CAMKMT: variants seen among roughly 807,000 people sequenced by gnomAD.
The protein encoded by CAMKMT is calmodulin-lysine N-methyltransferase, also known as CaM KMT.
A neutral mutation model predicts 48.0 loss-of-function variants in CAMKMT; 53 were observed. That is an observed-to-expected ratio of 1.10 (90% CI 0.89 to 1.39). The LOEUF (loss-of-function observed/expected upper bound fraction) is 1.39. Ranked by LOEUF, CAMKMT falls within the 40% of genes most tolerant of loss-of-function variation. The probability of loss-of-function intolerance (pLI) is 0.00; values close to 1 mark genes in which losing one functional copy is unlikely to be tolerated. For missense variants in CAMKMT, 428 were observed against 402.7 expected (o/e 1.06, Z -0.54); for synonymous variants, 165 against 152.3 (o/e 1.08, Z -0.61).
chr2:44,474,587 TTC>T (rs1265120241), intron 3 of CAMKMT, among the ~76,000 whole-genome samples: 1 of 152,106 alleles, frequency 6.6e-6, no homozygotes, highest in Non-Finnish European at 1.5e-5. Context: ...ATGAAAATCA[TTC>T]TGTTACTATT....
chr2:44,526,630 A>G (rs1671417522), intron 3 of CAMKMT, among the ~76,000 whole-genome samples: 1 of 152,120 alleles, frequency 6.6e-6, no homozygotes, highest in South Asian at 2.1e-4. Context: ...GTAGAGAGAG[A>G]GCAAATTCAC....
At chr2:44,691,343 G>A (rs531349933) in intron 3 of CAMKMT, among the ~76,000 whole-genome samples, 3 of 152,312 alleles carry the variant, frequency 2.0e-5, no homozygotes, top group Admixed American at 2.0e-4. Context: ...CCAGGGCCTC[G>A]GGGAACGTTG....
intron 3 of CAMKMT, among the ~76,000 whole-genome samples, chr2:44,454,087 C>T (rs1183040656): frequency 1.3e-5 from 2 of 152,010 alleles, no homozygotes; most frequent in African/African-American, 4.8e-5. Flanking sequence ...ATTTTGACAA[C>T]TCTTAAAAAA....
At chr2:44,611,074 G>A (rs1451168084) in intron 3 of CAMKMT, among the ~76,000 whole-genome samples, 1 of 152,114 alleles carries the variant, frequency 6.6e-6, no homozygotes, top group East Asian at 1.9e-4. Flanking sequence ...CTGAGATTGG[G>A]TTTTCTTATT....
rs1048571888 is a variant in CAMKMT at position 44,362,120 on chromosome 2, C to G, written c.113C>G (p.Ala38Gly). Reference protein sequence around the residue: ...RGPVVSAPLGAARWKLLRQVL... With the variant: ...RGPVVSAPLGGARWKLLRQVL... ...CCCGTAGTCTCGGCGCCCCTGGGAG[C>G]CGCCCGGTGGAAGCTCCTGCGGCAG... The change falls in exon 1 of 11, where the codon GCC becomes GGC. Residue 38 changes from alanine (A) to glycine (G), a missense_variant. By Grantham distance (60) the Ala-to-Gly change is moderately conservative. Transcript: ENST00000378494. 1 of 1,474,420 alleles carries G rather than the reference C, an allele frequency of 6.8e-7. No homozygotes were observed. Among genetic ancestry groups the G allele is most frequent in the Admixed American group, 2.9e-5 (1 of 34,476 alleles). The allele number at this position is 1,474,420 out of a possible 1,614,324, so 91.3% of individuals were successfully genotyped here. A position where few individuals can be genotyped will look rare whatever the true frequency, so the allele number is the denominator to read the frequency against.
intron 3 of CAMKMT, chr2:44,456,619 T>C: frequency 6.5e-7 from 1 of 1,547,750 alleles, no homozygotes; most frequent in Non-Finnish European, 8.7e-7. Context: ...TAACTCTTCC[T>C]TTTTTGTTTA....
At chr2:44,693,706 T>C (rs115009309) in intron 3 of CAMKMT, among the ~76,000 whole-genome samples, 4,118 of 152,236 alleles carry the variant, frequency 0.027, 86 homozygotes, top group African/African-American at 0.058. Flanking sequence ...GAAATGTGAG[T>C]TGGATTAAAA....
At chr2:44,670,654 C>T (rs560384065) in intron 3 of CAMKMT, among the ~76,000 whole-genome samples, 1 of 152,192 alleles carries the variant, frequency 6.6e-6, no homozygotes, top group South Asian at 2.1e-4. Context: ...CAGTGAGACC[C>T]TGTCTCTAAA....
intron 3 of CAMKMT, among the ~76,000 whole-genome samples, chr2:44,476,610 T>G (rs376472930): frequency 1.2e-4 from 18 of 151,686 alleles, no homozygotes; most frequent in East Asian, 5.8e-4. Context: ...TTTATATGTT[T>G]GTGAGATTTT....
At chr2:44,527,338 A>T (rs925101680) in intron 3 of CAMKMT, among the ~76,000 whole-genome samples, 2 of 144,500 alleles carry the variant, frequency 1.4e-5, no homozygotes, top group African/African-American at 5.1e-5. Context: ...CATATATAAT[A>T]CATATATACA....
At chr2:44,389,469 T>C (rs1183849086) in intron 2 of CAMKMT, among the ~76,000 whole-genome samples, 1 of 152,152 alleles carries the variant, frequency 6.6e-6, no homozygotes, top group Non-Finnish European at 1.5e-5. Context: ...TTATCAATGG[T>C]TATTACAAAC....
In CAMKMT at chr2:44,765,595, C is replaced by A. The variant is rs142609723; in HGVS notation, c.763-835C>A. Among the ~76,000 whole-genome samples the A allele has an allele frequency of 2.6e-5, 4 of 151,724 alleles. No homozygotes were observed. In the East Asian group the frequency reaches 7.8e-4, roughly 29 times the overall value. ...TACACATCTGAGAGGGAGGAAAAAT[C>A]CGCATGCATCCAATAGTTAGCAAAT... is the stretch of plus-strand genomic sequence containing the variant. On this transcript the variant is annotated intron_variant, in intron 9 of 10. Coordinates refer to ENST00000378494, the MANE Select transcript of CAMKMT (RefSeq NM_024766.5).
In CAMKMT at chr2:44,556,627, GC is replaced by G. The variant is rs889986485; in HGVS notation, c.377-147653del. ...TGGGACTACAGGCGCCCGCCACCGC[GC>G]CCGGCTAATTTTTTGTATTTTTAGT... On this transcript the variant is annotated intron_variant, in intron 3 of 10. Coordinates refer to ENST00000378494, the MANE Select transcript of CAMKMT (RefSeq NM_024766.5). Among the ~76,000 whole-genome samples the G allele has an allele frequency of 3.0e-4, 19 of 64,262 alleles. 7 individuals carry two copies. The highest frequency in any genetic ancestry group is 3.3e-5 in the Non-Finnish European group (1 of 29,888). The allele number at this position is 64,262 out of a possible 152,430, so 42.2% of individuals were successfully genotyped here.
At chr2:44,415,881 ACT>A (rs772964471) in intron 3 of CAMKMT, among the ~76,000 whole-genome samples, 3 of 152,130 alleles carry the variant, frequency 2.0e-5, no homozygotes, top group Non-Finnish European at 4.4e-5. Context: ...GATTCATAAT[ACT>A]CTGTTATGTT....
At chr2:44,482,570 C>A (rs1254539297) in intron 3 of CAMKMT, among the ~76,000 whole-genome samples, 1 of 151,996 alleles carries the variant, frequency 6.6e-6, no homozygotes, top group Non-Finnish European at 1.5e-5. Flanking sequence ...AAACATTTAA[C>A]GAAAATATTA....
At chr2:44,439,101 A>G (rs759651096) in intron 3 of CAMKMT, among the ~76,000 whole-genome samples, 1 of 152,114 alleles carries the variant, frequency 6.6e-6, no homozygotes, top group African/African-American at 2.4e-5. Context: ...AAGTAACCAT[A>G]CTTTCCTGGC....
At position 44,471,883 on chromosome 2, in the gene CAMKMT, A is replaced by G. The variant is rs181066564; in HGVS notation, c.376+81578A>G. 1.6e-3 allele frequency among the ~76,000 whole-genome samples: 242 copies of G among 152,004 alleles called. 1 individual carries two copies. Among genetic ancestry groups the G allele is most frequent in the Middle Eastern group, 6.8e-3 (2 of 294 alleles). Reference sequence around the variant, plus strand: ...TTTAGTAGAAATGGGGTTTCTCCACATAGAGAAGACTGGTCTCAAACTACT... The same window carrying G: ...TTTAGTAGAAATGGGGTTTCTCCACGTAGAGAAGACTGGTCTCAAACTACT... On this transcript the variant is annotated intron_variant, in intron 3 of 10. Transcript: ENST00000378494.
intron 3 of CAMKMT, chr2:44,631,462 A>G: frequency 1.0e-5 from 6 of 601,464 alleles, no homozygotes; most frequent in Non-Finnish European, 1.5e-5. Flanking sequence ...AATAAGAAAA[A>G]AAAACAATTT....
At chr2:44,713,758 C>T (rs910343056) in intron 6 of CAMKMT, among the ~76,000 whole-genome samples, 1 of 152,092 alleles carries the variant, frequency 6.6e-6, no homozygotes, top group Non-Finnish European at 1.5e-5. Context: ...ATCACAGTAC[C>T]TGCTTATTCA....
Sources: gnomAD v4.1 joint callset for allele counts (sites outside exome capture counted in the v4.1 genomes callset) on GRCh38, gnomAD v4.1.1 for gene constraint, MANE v1.5 for transcripts, NCBI Gene and HGNC (gene_info 2026-07-23, HGNC 2026-07-21) for gene names.